Variants in PRP4K observed in about 807,000 individuals in gnomAD.
The protein encoded by PRP4K is pre-mRNA processing factor kinase PRP4K, also known as serine/threonine-protein kinase PRP4 homolog.
chr6:4,035,284 ATTTTTTTTTTTTTTTTTTTT>A, the PRP4K span, among the ~76,000 whole-genome samples: 2 of 58,776 alleles, frequency 3.4e-5, no homozygotes, highest in Non-Finnish European at 5.6e-5. Context: ...CGCCCGGCTA[ATTTTTTTTTTTTTTTTTTTT>A]TTTTTTTTTT....
chr6:4,029,798 GT>G, the PRP4K span, among the ~76,000 whole-genome samples: 3 of 152,290 alleles, frequency 2.0e-5, no homozygotes, highest in East Asian at 5.8e-4. Flanking sequence ...TGATCCTTCA[GT>G]GTTCCCATAA....
chr6:4,041,742 C>A, the PRP4K span, among the ~76,000 whole-genome samples: 107 of 151,924 alleles, frequency 7.0e-4, 1 homozygote, highest in Admixed American at 1.2e-3. Flanking sequence ...GGATAACCCC[C>A]CACACACACA....
chr6:4,033,398 CAT>C, the PRP4K span, among the ~76,000 whole-genome samples: 1 of 152,066 alleles, frequency 6.6e-6, no homozygotes, highest in African/African-American at 2.4e-5. Context: ...TATAAATCCT[CAT>C]GTGATTATCT....
chr6:4,025,110 A>G, the PRP4K span, among the ~76,000 whole-genome samples: 1 of 152,338 alleles, frequency 6.6e-6, no homozygotes, highest in South Asian at 2.1e-4. Context: ...CTCAATAAAT[A>G]TTTTGTGATA....
chr6:4,057,129 A>G, the PRP4K span: 3 of 1,613,822 alleles, frequency 1.9e-6, no homozygotes, highest in Admixed American at 5.0e-5. Flanking sequence ...TTCCCTGGCA[A>G]AACCAATAAC....
At chr6:4,041,579 A>T in the PRP4K span, among the ~76,000 whole-genome samples, 3 of 152,136 alleles carry the variant, frequency 2.0e-5, no homozygotes, top group Non-Finnish European at 4.4e-5. Flanking sequence ...TAAAATGCAG[A>T]CTTGATTGTC....
chr6:4,054,184 G>C, the PRP4K span, among the ~76,000 whole-genome samples: 17 of 152,140 alleles, frequency 1.1e-4, no homozygotes. Flanking sequence ...TTATAGGTGT[G>C]AGCTACCATG....
the PRP4K span, chr6:4,021,330 C>T: frequency 1.3e-6 from 2 of 1,511,972 alleles, no homozygotes; most frequent in Admixed American, 2.0e-5. Context: ...ACGGTCGGCA[C>T]ATGCGCGGCA....
chr6:4,059,015 A>AT, the PRP4K span: 2 of 487,920 alleles, frequency 4.1e-6, no homozygotes, highest in Admixed American at 7.8e-5. Context: ...TAATTAATTT[A>AT]TTTTTATTAT....
chr6:4,052,405 A>G, the PRP4K span, among the ~76,000 whole-genome samples: 1 of 152,226 alleles, frequency 6.6e-6, no homozygotes, highest in Non-Finnish European at 1.5e-5. Context: ...AGGAATTTTT[A>G]TCTTCAACAG....
chr6:4,042,380 A>G, the PRP4K span: 2 of 800,706 alleles, frequency 2.5e-6, no homozygotes, highest in Non-Finnish European at 4.0e-6. Context: ...AGGACTTAAG[A>G]CTTTTGCTCT....
At chr6:4,032,317 A>G in the PRP4K span, 2 of 1,613,776 alleles carry the variant, frequency 1.2e-6, no homozygotes, top group Non-Finnish European at 1.7e-6. Flanking sequence ...AAAATTGAAG[A>G]TAAAAGTAAA....
chr6:4,056,455 T>C, the PRP4K span: 2 of 1,612,648 alleles, frequency 1.2e-6, no homozygotes, highest in Non-Finnish European at 1.7e-6. Context: ...TTAATGTTCT[T>C]TGACCTGGGC....
At chr6:4,026,602 C>T in the PRP4K span, among the ~76,000 whole-genome samples, 1 of 152,146 alleles carries the variant, frequency 6.6e-6, no homozygotes, top group Non-Finnish European at 1.5e-5. Context: ...CGTGCCCGGC[C>T]TTATGTTATT....
the PRP4K span, among the ~76,000 whole-genome samples, chr6:4,046,004 C>G: frequency 6.6e-6 from 1 of 152,300 alleles, no homozygotes; most frequent in Non-Finnish European, 1.5e-5. Flanking sequence ...TTCCTCACTC[C>G]TTTTTATAGG....
the PRP4K span, among the ~76,000 whole-genome samples, chr6:4,044,653 T>C: frequency 6.6e-6 from 1 of 152,078 alleles, no homozygotes; most frequent in African/African-American, 2.4e-5. Flanking sequence ...AGTTGATTTC[T>C]CTTGTCCTTT....
chr6:4,029,063 A>G, the PRP4K span, among the ~76,000 whole-genome samples: 169 of 143,660 alleles, frequency 1.2e-3, no homozygotes, highest in Non-Finnish European at 2.2e-3. Context: ...TCTGTTGCCC[A>G]GGCTGGAGTG....
At chr6:4,029,698 T>G in the PRP4K span, among the ~76,000 whole-genome samples, 1 of 151,982 alleles carries the variant, frequency 6.6e-6, no homozygotes, top group Non-Finnish European at 1.5e-5. Context: ...AAACGTTTCT[T>G]CTTTCCTCCT....
the PRP4K span, chr6:4,051,893 A>G: frequency 2.9e-5 from 33 of 1,119,352 alleles, no homozygotes; most frequent in Non-Finnish European, 3.4e-5. Flanking sequence ...TAGCAAATAC[A>G]TTATTTAGTG....
Sources: allele counts gnomAD v4.1 joint callset (sites outside exome capture counted in the v4.1 genomes callset), GRCh38; gene constraint gnomAD v4.1.1; transcripts MANE v1.5; gene names NCBI Gene and HGNC (gene_info 2026-07-23, HGNC 2026-07-21).